Variants in POLD3 observed in about 807,000 individuals in gnomAD.
POLD3 encodes the protein DNA polymerase delta subunit 3.
POLD3 carries 19 observed loss-of-function variants against 58.2 expected under a neutral mutation model. The ratio of observed to expected loss-of-function variants is 0.33; its 90% CI spans 0.23 to 0.48. The LOEUF (loss-of-function observed/expected upper bound fraction) is 0.48. Ranked by LOEUF, POLD3 falls within the 20% of genes least tolerant of loss-of-function variation. The pLI, the probability that POLD3 is intolerant of heterozygous loss-of-function variation, is 0.99. For missense variants in POLD3, 504 were observed against 545.5 expected (o/e 0.92, Z 0.76); for synonymous variants, 172 against 193.5 (o/e 0.89, Z 0.92).
At chr11:74,600,835 A>G (rs1400593658) in intron 2 of POLD3, among the ~76,000 whole-genome samples, 1 of 145,684 alleles carries the variant, frequency 6.9e-6, no homozygotes, top group Non-Finnish European at 1.5e-5. Context: ...CTCCTGCTTC[A>G]GCCTCCCGAG....
chr11:74,663,564 G>C (rs2033230570), intron 4 of POLD3, among the ~76,000 whole-genome samples: 1 of 152,136 alleles, frequency 6.6e-6, no homozygotes, highest in Non-Finnish European at 1.5e-5. Context: ...TGTAAATAGT[G>C]GTTGATTTTC....
At chr11:74,620,899 G>A (rs975412163) in intron 7 of POLD3, among the ~76,000 whole-genome samples, 3 of 150,448 alleles carry the variant, frequency 2.0e-5, no homozygotes, top group African/African-American at 7.4e-5. Context: ...GGCTAAATTG[G>A]TGGTCACGGG....
At chr11:74,655,487 A>G (rs2033122370) in intron 4 of POLD3, among the ~76,000 whole-genome samples, 1 of 152,240 alleles carries the variant, frequency 6.6e-6, no homozygotes, top group Non-Finnish European at 1.5e-5. Flanking sequence ...GTAACACATA[A>G]TGGGGGGAAA....
intron 5 of POLD3, among the ~76,000 whole-genome samples, chr11:74,614,613 A>G (rs4996254): frequency 0.39 from 59,815 of 151,866 alleles, 12,825 homozygotes; most frequent in African/African-American, 0.56. Context: ...AGGAGGCTGA[A>G]GCAGGAGAAT....
rs188193046 is a variant in POLD3 at position 74,619,900 on chromosome 11, A to G, written c.661-117A>G. ...TCTAACACCTACGCGTTTTGGCATG[A>G]TTATATAGAGACTATACCATCGCAA... On this transcript the variant is annotated intron_variant, in intron 6 of 11. Coordinates refer to ENST00000263681, the MANE Select transcript of POLD3 (RefSeq NM_006591.3). The G allele has an allele frequency of 5.8e-3, 4,499 of 771,278 alleles. 16 individuals carry two copies. The highest frequency in any genetic ancestry group is 8.2e-3 in the Non-Finnish European group (3,612 of 439,480). The allele number at this position is 771,278 out of a possible 1,614,324, so 47.8% of individuals were successfully genotyped here.
rs542795467 is a variant in POLD3, at chr11:74,636,370, T to G, written c.1198+95T>G. On this transcript the variant is annotated intron_variant, in intron 11 of 11. Transcript: ENST00000263681. ...TTTAGAACAGGTACATCTCAAACTT[T>G]AATTTACATGTGAATCATGCCCAAG... is the stretch of plus-strand genomic sequence containing the variant. The G allele has an allele frequency of 4.3e-4, 516 of 1,201,974 alleles. 6 individuals are homozygous for G. The South Asian group carries it at 6.8e-3, about 16-fold the overall frequency. The allele number at this position is 1,201,974 out of a possible 1,614,324, so 74.5% of individuals were successfully genotyped here. A position where few individuals can be genotyped will look rare whatever the true frequency, so the allele number is the denominator to read the frequency against.
At chr11:74,661,462 C>T (rs763143524) in intron 4 of POLD3, among the ~76,000 whole-genome samples, 10 of 152,198 alleles carry the variant, frequency 6.6e-5, no homozygotes, top group East Asian at 1.9e-4. Flanking sequence ...GTAGAGTCTT[C>T]GGTGGTCTTA....
intron 11 of POLD3, among the ~76,000 whole-genome samples, chr11:74,639,634 G>A (rs187022522): frequency 3.1e-4 from 47 of 152,316 alleles, no homozygotes; most frequent in African/African-American, 1.1e-3. Flanking sequence ...TGGTATATGT[G>A]TTGCAGTAGT....
Position 74,641,472 on chromosome 11 carries a change from A to G in POLD3, c.*706A>G, listed in dbSNP as rs879046788. ...CAGGCAGAACACAAATAGAAATTTA[A>G]TGATGTGTTCAACTCCACCAGAAAT... On this transcript the variant is annotated 3_prime_UTR_variant, in exon 12 of 12. Transcript: ENST00000263681. The G allele has an allele frequency of 1.0e-6, 1 of 985,312 alleles. No homozygotes were observed. The highest frequency in any genetic ancestry group is 6.1e-5 in the Admixed American group (1 of 16,262). The allele number at this position is 985,312 out of a possible 1,614,324, so 61.0% of individuals were successfully genotyped here.
chr11:74,649,343 A>G (rs2033039396), intron 4 of POLD3, among the ~76,000 whole-genome samples: 1 of 152,228 alleles, frequency 6.6e-6, no homozygotes. Flanking sequence ...ATTCAATGGT[A>G]GAAAGGCTGT....
downstream of POLD3, among the ~76,000 whole-genome samples, chr11:74,646,585 G>A (rs939254981): frequency 1.3e-5 from 2 of 152,240 alleles, no homozygotes; most frequent in Admixed American, 6.5e-5. Context: ...GCATACTGCT[G>A]TAAGCAGTCC....
At chr11:74,648,470 G>T (rs145878705) in intron 4 of POLD3, among the ~76,000 whole-genome samples, 1 of 152,206 alleles carries the variant, frequency 6.6e-6, no homozygotes, top group African/African-American at 2.4e-5. Flanking sequence ...AGGGTTGCCT[G>T]TGACTGCCTG....
chr11:74,621,453 A>G (rs1258493389), intron 7 of POLD3, among the ~76,000 whole-genome samples: 1 of 133,840 alleles, frequency 7.5e-6, no homozygotes, highest in Non-Finnish European at 1.6e-5. Flanking sequence ...ATTGTCTTCC[A>G]TGAAACTGGT....
chr11:74,614,599 G>A (rs2032022687), intron 5 of POLD3, among the ~76,000 whole-genome samples: 1 of 152,046 alleles, frequency 6.6e-6, no homozygotes, highest in South Asian at 2.1e-4. Context: ...AGTCCCAGCT[G>A]CTCAGGAGGC....
intron 6 of POLD3, 56 bp from the exon 7 acceptor site, chr11:74,619,961 C>A: frequency 7.2e-7 from 1 of 1,381,048 alleles, no homozygotes; most frequent in Non-Finnish European, 1.0e-6. Context: ...GAGACTGCTA[C>A]TTCATGAACA....
intron 3 of POLD3, among the ~76,000 whole-genome samples, chr11:74,610,060 T>C (rs968269014): frequency 6.6e-6 from 1 of 152,342 alleles, no homozygotes; most frequent in East Asian, 1.9e-4. Flanking sequence ...ATGTGTACTT[T>C]TGTTGGATGT....
chr11:74,593,983 T>C (rs2031130049), intron 1 of POLD3, 78 bp from the exon 2 acceptor site: 1 of 769,892 alleles, frequency 1.3e-6, no homozygotes, highest in Admixed American at 2.1e-5. Context: ...ATAGGAATCT[T>C]TAGCAACAGA....
chr11:74,597,889 A>T lies in POLD3; in HGVS notation c.116+3773A>T, dbSNP rs115996111. ...CAGGAGTTCAAGACAAGCCTGGGCAACATAGTGAGACCCACATCTTTATAA... is the reference window on the plus strand; with the variant it reads ...CAGGAGTTCAAGACAAGCCTGGGCATCATAGTGAGACCCACATCTTTATAA... On this transcript the variant is annotated intron_variant, in intron 2 of 11. Transcript: ENST00000263681. Among the ~76,000 whole-genome samples, 1,206 of 152,250 alleles carry T rather than the reference A, an allele frequency of 7.9e-3. 14 individuals are homozygous for T. Among genetic ancestry groups the T allele is most frequent in the African/African-American group, 0.028 (1,167 of 41,542 alleles).
chr11:74,637,395 A>T (rs1212347128), intron 11 of POLD3, among the ~76,000 whole-genome samples: 1 of 142,586 alleles, frequency 7.0e-6, no homozygotes, highest in Non-Finnish European at 1.5e-5. Context: ...GAACCTGTGA[A>T]TTCTGGACTT....
Sources: allele counts gnomAD v4.1 joint callset (sites outside exome capture counted in the v4.1 genomes callset), GRCh38; gene constraint gnomAD v4.1.1; transcripts MANE v1.5; gene names NCBI Gene and HGNC (gene_info 2026-07-23, HGNC 2026-07-21).